The following NCOR2 variants were observed in gnomAD, a reference collection of about 807,000 sequenced individuals.
NCOR2 encodes the protein nuclear receptor corepressor 2, also known as CTG repeat protein 26.
A neutral mutation model predicts 262.9 loss-of-function variants in NCOR2; 81 were observed. The observed-to-expected ratio is 0.31, with a 90% confidence interval of 0.26 to 0.37. The LOEUF (loss-of-function observed/expected upper bound fraction) is 0.37. Ranked by LOEUF, NCOR2 falls within the 10% of genes least tolerant of loss-of-function variation. NCOR2 has a pLI of 1.00. For missense variants in NCOR2, 3,385 were observed against 3,621.4 expected, an observed-to-expected ratio of 0.93 and a Z score of 1.68; for synonymous variants, 1,659 against 1,559.3, an observed-to-expected ratio of 1.06 and a Z score of -1.51.
At chr12:124,397,327 C>T (rs991197537) in intron 16 of NCOR2, among the ~76,000 whole-genome samples, 9 of 152,226 alleles carry the variant, frequency 5.9e-5, no homozygotes, top group Admixed American at 1.3e-4. Flanking sequence ...CCAACCTAGA[C>T]GACCCTCCCA....
intron 1 of NCOR2, among the ~76,000 whole-genome samples, chr12:124,559,253 C>T (rs2051991455): frequency 6.6e-6 from 1 of 152,206 alleles, no homozygotes; most frequent in Non-Finnish European, 1.5e-5. Flanking sequence ...AGGTTGGAAC[C>T]AGATGGCCCA....
intron 13 of NCOR2, among the ~76,000 whole-genome samples, chr12:124,412,119 G>T (rs1018770600): frequency 5.9e-5 from 9 of 152,262 alleles, no homozygotes; most frequent in African/African-American, 2.2e-4. Flanking sequence ...TGCCAAGGTG[G>T]GCCAGAGTGA....
Position 124,374,969 on chromosome 12 carries a change from C to T in NCOR2, c.2168-506G>A, listed in dbSNP as rs1436119634. The stretch of plus-strand genomic sequence containing the variant: ...TTCAGGCCCCAGAGCAGAGGCCACC[C>T]TTTTTAGAAACAATAGCAACAGCAG... On this transcript the variant is annotated intron_variant, in intron 18 of 46. Coordinates refer to ENST00000405201, the Ensembl canonical transcript of NCOR2. Among the ~76,000 whole-genome samples the T allele has an allele frequency of 7.2e-5, 11 of 152,342 alleles. 1 individual carries two copies. The South Asian group carries it at 2.1e-3, about 29-fold the overall frequency.
intron 18 of NCOR2, among the ~76,000 whole-genome samples, chr12:124,375,113 G>A (rs2039884310): frequency 6.6e-6 from 1 of 152,242 alleles, no homozygotes; most frequent in Admixed American, 6.5e-5. Context: ...GAGGCAGACA[G>A]GTTAATCAGC....
intron 44 of NCOR2, among the ~76,000 whole-genome samples, chr12:124,330,010 C>T (rs1328972096): frequency 1.3e-5 from 2 of 152,208 alleles, no homozygotes; most frequent in Non-Finnish European, 2.9e-5. Context: ...GCCTCGCTGA[C>T]CCCCTGATAA....
intron 1 of NCOR2, among the ~76,000 whole-genome samples, chr12:124,515,492 A>G (rs1199342762): frequency 1.3e-5 from 2 of 152,138 alleles, no homozygotes; most frequent in Non-Finnish European, 2.9e-5. Flanking sequence ...CATCCATATC[A>G]TAACTAGGAA....
chr12:124,359,447 T>C (rs2038328038), intron 22 of NCOR2, among the ~76,000 whole-genome samples: 1 of 152,246 alleles, frequency 6.6e-6, no homozygotes, highest in South Asian at 2.1e-4. Flanking sequence ...AATTCTCTCC[T>C]TGAAGACTGT....
rs2036321363 is a variant in NCOR2 at position 124,339,993 on chromosome 12, C to T, written c.5687+13G>A. The T allele has an allele frequency of 2.5e-6, 4 of 1,611,026 alleles. No individual in the cohort carries two copies. The highest frequency in any genetic ancestry group is 3.4e-6 in the Non-Finnish European group (4 of 1,179,788). ...CACCTGCCCGCCCCCTCCCCCATGC[C>T]AACCTGGCCCACCTCAGGACCGTGG... is the stretch of plus-strand genomic sequence containing the variant. On this transcript the variant is annotated intron_variant, in intron 37 of 46. Coordinates refer to ENST00000405201, the Ensembl canonical transcript of NCOR2.
chr12:124,553,251 G>A (rs1566054456), intron 1 of NCOR2, among the ~76,000 whole-genome samples: 2 of 152,118 alleles, frequency 1.3e-5, no homozygotes, highest in Non-Finnish European at 2.9e-5. Flanking sequence ...CCTCCAGCCC[G>A]GGCAGATAAT....
At chr12:124,423,836 G>A (rs1397841985) in intron 11 of NCOR2, among the ~76,000 whole-genome samples, 2 of 152,236 alleles carry the variant, frequency 1.3e-5, no homozygotes, top group Non-Finnish European at 2.9e-5. Flanking sequence ...TACCTCACAA[G>A]GGAGGCCCTG....
intron 1 of NCOR2, among the ~76,000 whole-genome samples, chr12:124,560,775 A>C (rs1489763788): frequency 6.6e-6 from 1 of 152,136 alleles, no homozygotes; most frequent in Non-Finnish European, 1.5e-5. Context: ...GGAGACTTTT[A>C]CGCAATGTGT....
intron 4 of NCOR2, among the ~76,000 whole-genome samples, chr12:124,466,975 C>A (rs1241315705): frequency 1.3e-5 from 2 of 148,498 alleles, no homozygotes; most frequent in Admixed American, 1.3e-4. Context: ...CTCATCACCC[C>A]CATCATCCTC....
At chr12:124,556,694 T>C (rs1445084101) in intron 1 of NCOR2, among the ~76,000 whole-genome samples, 1 of 152,124 alleles carries the variant, frequency 6.6e-6, no homozygotes. Context: ...ACCCCATCTC[T>C]ACTAAAAATA....
At chr12:124,413,950 C>CCCA (rs1409452252) in intron 13 of NCOR2, among the ~76,000 whole-genome samples, 4 of 151,632 alleles carry the variant, frequency 2.6e-5, no homozygotes, top group Non-Finnish European at 5.9e-5. Flanking sequence ...TCCCACCCAC[C>CCCA]CCATATCAGA....
At chr12:124,356,946 GCTGCTCTGTAACCCCATGGTATT>G in intron 22 of NCOR2, 164 bp from the exon 25 acceptor site, 1 of 836,344 alleles carries the variant, frequency 1.2e-6, no homozygotes, top group South Asian at 2.8e-5. Context: ...CTGCCTGGGC[GCTGCTCTGTAACCCCATGGTATT>G]CTGCTCAGCA....
chr12:124,520,157 A>C (rs528583186), intron 1 of NCOR2, among the ~76,000 whole-genome samples: 10 of 152,092 alleles, frequency 6.6e-5, no homozygotes, highest in African/African-American at 2.4e-4. Context: ...CCCAGGAAAC[A>C]CCCCTGGGGG....
upstream of NCOR2, among the ~76,000 whole-genome samples, chr12:124,536,362 G>A (rs1335298088): frequency 6.6e-6 from 1 of 152,190 alleles, no homozygotes; most frequent in Non-Finnish European, 1.5e-5. Flanking sequence ...ACAGGTGCGA[G>A]CCACTGTGCC....
At position 124,503,958 on chromosome 12, in the gene NCOR2, C is replaced by A. The variant is rs1205954516; in HGVS notation, c.-117-8590G>T. 6.6e-6 allele frequency among the ~76,000 whole-genome samples: 1 copy of A among 152,186 alleles called. No individual in the cohort carries two copies. The highest frequency in any genetic ancestry group is 1.5e-5 in the Non-Finnish European group (1 of 68,036). Reference sequence around the variant, plus strand: ...TGAGGGACACAGAAAGGCACTGTCGCCTTCAGGAACCCCCAAACCCATATA... The same window carrying A: ...TGAGGGACACAGAAAGGCACTGTCGACTTCAGGAACCCCCAAACCCATATA... On this transcript the variant is annotated intron_variant, in intron 1 of 46. Coordinates refer to the NCOR2 transcript ENST00000404621. The surrounding 1 kb of genome is among the most constrained non-coding windows in gnomAD (Gnocchi z 4.3).
intron 22 of NCOR2, among the ~76,000 whole-genome samples, chr12:124,360,687 C>T (rs1593212351): frequency 6.6e-6 from 1 of 152,046 alleles, no homozygotes; most frequent in Non-Finnish European, 1.5e-5. Context: ...CAACCACCCC[C>T]GGCGACTCCT....
Sources: allele counts gnomAD v4.1 joint callset (sites outside exome capture counted in the v4.1 genomes callset), GRCh38; gene constraint gnomAD v4.1.1; non-coding constraint Gnocchi (gnomAD v3.1); transcripts MANE v1.5; gene names NCBI Gene and HGNC (gene_info 2026-07-23, HGNC 2026-07-21).